ENTREP2: variants seen among roughly 807,000 people sequenced by gnomAD.
The protein encoded by ENTREP2 is protein ENTREP2.
the ENTREP2 span, among the ~76,000 whole-genome samples, chr15:29,463,249 C>T: frequency 1.3e-5 from 2 of 152,142 alleles, no homozygotes; most frequent in Non-Finnish European, 2.9e-5. Context: ...AGGCTTGGCC[C>T]AGGCACTTCC....
the ENTREP2 span, among the ~76,000 whole-genome samples, chr15:29,129,302 C>T: frequency 5.8e-3 from 885 of 152,202 alleles, 5 homozygotes; most frequent in East Asian, 0.011. Flanking sequence ...TGACCTCAGG[C>T]GATCCGCCTG....
At chr15:29,340,034 A>C in the ENTREP2 span, among the ~76,000 whole-genome samples, 1 of 152,238 alleles carries the variant, frequency 6.6e-6, no homozygotes, top group African/African-American at 2.4e-5. Flanking sequence ...TAAGACACTA[A>C]GATTCTCTTG....
At chr15:29,158,012 C>T in the ENTREP2 span, among the ~76,000 whole-genome samples, 1 of 151,998 alleles carries the variant, frequency 6.6e-6, no homozygotes, top group South Asian at 2.1e-4. Flanking sequence ...CCACTGCTCC[C>T]GGCCAATAGC....
chr15:29,260,506 T>A, the ENTREP2 span, among the ~76,000 whole-genome samples: 1 of 152,066 alleles, frequency 6.6e-6, no homozygotes, highest in African/African-American at 2.4e-5. Context: ...ATACACAACA[T>A]CAATACATTG....
At chr15:29,326,084 C>T in the ENTREP2 span, among the ~76,000 whole-genome samples, 1 of 152,026 alleles carries the variant, frequency 6.6e-6, no homozygotes, top group African/African-American at 2.4e-5. Context: ...AGATGATCTT[C>T]CTCAACTTGA....
At chr15:29,407,682 T>G in the ENTREP2 span, among the ~76,000 whole-genome samples, 9 of 118,886 alleles carry the variant, frequency 7.6e-5, no homozygotes, top group East Asian at 7.9e-4. Flanking sequence ...TTTTTTGGGT[T>G]GGGGGGAGCC....
the ENTREP2 span, among the ~76,000 whole-genome samples, chr15:29,620,211 T>C: frequency 5.9e-5 from 9 of 152,236 alleles, no homozygotes; most frequent in Admixed American, 4.6e-4. Context: ...CCTGGGCTTC[T>C]CCCTACCTCT....
chr15:29,544,475 T>A, the ENTREP2 span, among the ~76,000 whole-genome samples: 1 of 152,334 alleles, frequency 6.6e-6, no homozygotes, highest in South Asian at 2.1e-4. Context: ...CACTTTAAAA[T>A]TGTTAACATG....
chr15:29,456,875 G>A, the ENTREP2 span, among the ~76,000 whole-genome samples: 46 of 152,170 alleles, frequency 3.0e-4, no homozygotes, highest in Admixed American at 5.2e-4. Context: ...CTTGGTTAGC[G>A]TAAAAAGTCT....
chr15:29,559,089 A>G, the ENTREP2 span, among the ~76,000 whole-genome samples: 34 of 152,222 alleles, frequency 2.2e-4, no homozygotes, highest in Middle Eastern at 0.01. Flanking sequence ...AAATGAGGAC[A>G]AGACGTAGTA....
At chr15:29,123,977 C>T in the ENTREP2 span, among the ~76,000 whole-genome samples, 5 of 152,236 alleles carry the variant, frequency 3.3e-5, no homozygotes, top group East Asian at 1.9e-4. Flanking sequence ...CTCGCCTCCA[C>T]GACCTTTGCC....
At chr15:29,377,823 A>AAATAATAATAAT in the ENTREP2 span, among the ~76,000 whole-genome samples, 35,270 of 112,522 alleles carry the variant, frequency 0.31, 5,687 homozygotes, top group Non-Finnish European at 0.36. Flanking sequence ...TCTGTCTCAA[A>AAATAATAATAAT]AATAATAATA....
At chr15:29,615,097 C>T in the ENTREP2 span, among the ~76,000 whole-genome samples, 114 of 152,014 alleles carry the variant, frequency 7.5e-4, no homozygotes, top group Middle Eastern at 3.4e-3. Flanking sequence ...GGAGTCGCCC[C>T]GCTTCACCAA....
chr15:29,184,695 C>T, the ENTREP2 span, among the ~76,000 whole-genome samples: 2 of 152,268 alleles, frequency 1.3e-5, no homozygotes, highest in East Asian at 3.9e-4. Flanking sequence ...GATGCCTATG[C>T]AGCGAAACCA....
the ENTREP2 span, among the ~76,000 whole-genome samples, chr15:29,568,264 G>A: frequency 6.6e-6 from 1 of 152,218 alleles, no homozygotes; most frequent in Non-Finnish European, 1.5e-5. Context: ...GGAGGACTCA[G>A]GACAGAAGTC....
the ENTREP2 span, among the ~76,000 whole-genome samples, chr15:29,582,225 T>C: frequency 1.3e-5 from 2 of 152,268 alleles, no homozygotes; most frequent in East Asian, 3.9e-4. Context: ...TTTCAACAAA[T>C]GGTATTGGAG....
At chr15:29,414,577 A>G in the ENTREP2 span, among the ~76,000 whole-genome samples, 1 of 152,196 alleles carries the variant, frequency 6.6e-6, no homozygotes, top group Non-Finnish European at 1.5e-5. Flanking sequence ...CCCTAACATC[A>G]CAATTAAAAG....
the ENTREP2 span, among the ~76,000 whole-genome samples, chr15:29,533,309 T>C: frequency 6.6e-6 from 1 of 152,158 alleles, no homozygotes; most frequent in African/African-American, 2.4e-5. Context: ...ATTTTTCTTG[T>C]TTCATAAAAA....
the ENTREP2 span, among the ~76,000 whole-genome samples, chr15:29,563,181 T>C: frequency 6.6e-6 from 1 of 152,216 alleles, no homozygotes; most frequent in African/African-American, 2.4e-5. Context: ...AGTTACACAA[T>C]GTAACCTTTC....
Sources: allele counts gnomAD v4.1 joint callset (sites outside exome capture counted in the v4.1 genomes callset), GRCh38; gene constraint gnomAD v4.1.1; transcripts MANE v1.5; gene names NCBI Gene and HGNC (gene_info 2026-07-23, HGNC 2026-07-21).